Variants in PARD3 observed in about 807,000 individuals in gnomAD.
PARD3 encodes the protein par-3 family cell polarity regulator.
PARD3 carries 75 observed loss-of-function variants against 155.4 expected under a neutral mutation model. That is an observed-to-expected ratio of 0.48 (90% confidence interval 0.40 to 0.58). The LOEUF (loss-of-function observed/expected upper bound fraction) is 0.58. Ranked by LOEUF, PARD3 falls within the 20% of genes least tolerant of loss-of-function variation. The pLI is 0.00. For missense variants in PARD3, 1,642 were observed against 1,721.7 expected (o/e 0.95, Z 0.82); for synonymous variants, 576 against 610.5 (o/e 0.94, Z 0.83).
chr10:34,726,530 C>G (rs2094716080), intron 1 of PARD3, among the ~76,000 whole-genome samples: 1 of 152,108 alleles, frequency 6.6e-6, no homozygotes, highest in Non-Finnish European at 1.5e-5. Flanking sequence ...TTGCAGTGAG[C>G]CAAGATTGTG....
chr10:34,783,804 T>G (rs1840589788), intron 1 of PARD3, among the ~76,000 whole-genome samples: 1 of 152,126 alleles, frequency 6.6e-6, no homozygotes, highest in African/African-American at 2.4e-5. Flanking sequence ...CCAAATCACT[T>G]AGTGCATTTT....
intron 1 of PARD3, among the ~76,000 whole-genome samples, chr10:34,713,758 C>T (rs758930570): frequency 6.6e-6 from 1 of 151,628 alleles, no homozygotes; most frequent in Admixed American, 6.6e-5. Flanking sequence ...AAAGAGAGAC[C>T]CTGTCTCAAA....
chr10:34,398,767 T>C (rs918025319), intron 7 of PARD3, among the ~76,000 whole-genome samples: 8 of 152,218 alleles, frequency 5.3e-5, no homozygotes, highest in Admixed American at 5.2e-4. Context: ...TAAGGATGCA[T>C]GTTCTGTAAA....
chr10:34,369,944 G>A (rs1840411371), intron 12 of PARD3, among the ~76,000 whole-genome samples: 1 of 152,098 alleles, frequency 6.6e-6, no homozygotes, highest in African/African-American at 2.4e-5. Flanking sequence ...GCAATACTAT[G>A]TGCCAAGAAC....
intron 21 of PARD3, among the ~76,000 whole-genome samples, chr10:34,275,963 G>C (rs1264699043): frequency 6.6e-6 from 1 of 151,982 alleles, no homozygotes; most frequent in African/African-American, 2.4e-5. Flanking sequence ...AATGACAGAA[G>C]TAACTGATTA....
intron 22 of PARD3, among the ~76,000 whole-genome samples, chr10:34,191,683 G>C (rs541925475): frequency 5.3e-5 from 8 of 152,062 alleles, no homozygotes; most frequent in Non-Finnish European, 8.8e-5. Context: ...GGGAGCCTAG[G>C]GGGAGGGAGG....
At chr10:34,796,852 G>A (rs1459954383) in intron 1 of PARD3, among the ~76,000 whole-genome samples, 3 of 152,182 alleles carry the variant, frequency 2.0e-5, no homozygotes. Flanking sequence ...AGGCATGGTG[G>A]TGCATGCCTG....
chr10:34,285,873 ATAT>A (rs1469587435), intron 20 of PARD3, among the ~76,000 whole-genome samples: 3 of 152,158 alleles, frequency 2.0e-5, no homozygotes, highest in Non-Finnish European at 4.4e-5. Context: ...AAAATTACAT[ATAT>A]TATTATACAG....
intron 1 of PARD3, among the ~76,000 whole-genome samples, chr10:34,717,733 G>T (rs1157287564): frequency 3.9e-5 from 6 of 152,228 alleles, no homozygotes; most frequent in Non-Finnish European, 7.3e-5. Context: ...GCTGGGGATG[G>T]CAGGATGGCA....
At chr10:34,362,202 G>T (rs1305346462) in intron 12 of PARD3, among the ~76,000 whole-genome samples, 1 of 152,158 alleles carries the variant, frequency 6.6e-6, no homozygotes, top group African/African-American at 2.4e-5. Context: ...GGGAGGCTGA[G>T]GCAGGAGAAT....
intron 20 of PARD3, among the ~76,000 whole-genome samples, chr10:34,287,531 T>C (rs1316006660): frequency 6.6e-6 from 1 of 151,946 alleles, no homozygotes; most frequent in Admixed American, 6.6e-5. Flanking sequence ...CCTTTAGTAA[T>C]GGTGAGGAAA....
intron 2 of PARD3, among the ~76,000 whole-genome samples, chr10:34,547,373 G>T (rs551690629): frequency 6.6e-6 from 1 of 152,248 alleles, no homozygotes; most frequent in African/African-American, 2.4e-5. Flanking sequence ...TAAACAATCT[G>T]CCAGAATTAT....
intron 2 of PARD3, among the ~76,000 whole-genome samples, chr10:34,614,438 G>A (rs1303686103): frequency 1.3e-5 from 2 of 152,210 alleles, no homozygotes; most frequent in Non-Finnish European, 2.9e-5. Flanking sequence ...TAAAATAAGT[G>A]TCCTATTCTA....
At chr10:34,183,852 T>C (rs1207613023) in intron 22 of PARD3, among the ~76,000 whole-genome samples, 2 of 152,350 alleles carry the variant, frequency 1.3e-5, no homozygotes, top group East Asian at 3.9e-4. Context: ...ACTCCACGTA[T>C]GTACGTGTCG....
At chr10:34,529,399 C>G (rs1183472975) in intron 2 of PARD3, among the ~76,000 whole-genome samples, 1 of 152,182 alleles carries the variant, frequency 6.6e-6, no homozygotes, top group Non-Finnish European at 1.5e-5. Context: ...CATGGAATAG[C>G]TGGATCAGCA....
Position 34,384,183 on chromosome 10 carries a change from T to A in PARD3, c.962A>T (p.Asn321Ile). Reference sequence around the variant, plus strand: ...ATCATTAATCCTGACAATGCAATCATTCTCACGAAAAAGATTTTCATGTTC... The same window carrying A: ...ATCATTAATCCTGACAATGCAATCAATCTCACGAAAAAGATTTTCATGTTC... ...KAEHENLFRENDCIVRINDGD... is the reference protein window; with the variant it reads ...KAEHENLFREIDCIVRINDGD... Residue 321 changes from asparagine (N) to isoleucine (I), a missense_variant, in exon 8 of 25, where the codon AAT becomes ATT. This residue lies in a region of PARD3 where 1,529 missense variants were observed against 1,587.3 expected (regional missense o/e 0.96). Transcript: ENST00000374788. The A allele has an allele frequency of 6.2e-7, 1 of 1,613,786 alleles. No individual in the cohort carries two copies. The highest frequency in any genetic ancestry group is 8.5e-7 in the Non-Finnish European group (1 of 1,179,766).
chr10:34,650,554 T>A (rs1429681027), intron 2 of PARD3, among the ~76,000 whole-genome samples: 1 of 152,204 alleles, frequency 6.6e-6, no homozygotes, highest in Non-Finnish European at 1.5e-5. Context: ...CATTTTTTTT[T>A]AAGTTGCTTC....
At position 34,571,748 on chromosome 10, in the gene PARD3, A is replaced by G. The variant is rs186911021; in HGVS notation, c.223-54589T>C. Among the ~76,000 whole-genome samples the G allele has an allele frequency of 7.2e-5, 11 of 152,376 alleles. No homozygotes were observed. The East Asian group carries it at 1.3e-3, about 19-fold the overall frequency. ...TAATATACCTAGTAAGGTTGAACCA[A>G]CAAGTCAAGTTTTGGGAACACTGAG... is the stretch of plus-strand genomic sequence containing the variant. On this transcript the variant is annotated intron_variant, in intron 2 of 24. Transcript: ENST00000374788.
intron 22 of PARD3, among the ~76,000 whole-genome samples, chr10:34,259,048 A>G (rs1954810746): frequency 1.3e-5 from 2 of 152,122 alleles, no homozygotes; most frequent in Admixed American, 1.3e-4. Context: ...AGCTTGGGTG[A>G]CAGAGCAAGA....
Sources: gnomAD v4.1 joint callset for allele counts (sites outside exome capture counted in the v4.1 genomes callset) on GRCh38, gnomAD v4.1.1 for gene constraint, gnomAD v4.1.1 regional missense constraint, MANE v1.5 for transcripts, NCBI Gene and HGNC (gene_info 2026-07-23, HGNC 2026-07-21) for gene names.